The following MTMR6 variants were observed in gnomAD, a reference collection of about 807,000 sequenced individuals.
MTMR6 encodes the protein myotubularin related protein 6.
A neutral mutation model predicts 80.1 loss-of-function variants in MTMR6; 47 were observed. The ratio of observed to expected loss-of-function variants is 0.59; its 90% confidence interval spans 0.46 to 0.75. MTMR6 has a LOEUF of 0.75. Among genes scored for constraint, MTMR6 ranks in the 30% least tolerant of loss-of-function variants. The pLI, the probability that MTMR6 is intolerant of heterozygous loss-of-function variation, is 0.00. For missense variants in MTMR6, 629 were observed against 730.9 expected (o/e 0.86, Z 1.61); for synonymous variants, 254 against 253.0 (o/e 1.00, Z -0.04).
chr13:25,261,305 A>T (rs1464196340), intron 6 of MTMR6, among the ~76,000 whole-genome samples: 1 of 88,028 alleles, frequency 1.1e-5, no homozygotes. Context: ...CTCTGTCTTA[A>T]AAAAAAAAAA....
chr13:25,264,990 C>T (rs1322236266), intron 5 of MTMR6, among the ~76,000 whole-genome samples: 5 of 152,078 alleles, frequency 3.3e-5, no homozygotes, highest in Non-Finnish European at 2.9e-5. Context: ...GGAAGACATA[C>T]ATGTAAACCA....
intron 1 of MTMR6, among the ~76,000 whole-genome samples, chr13:25,286,652 T>C (rs1475565217): frequency 1.3e-5 from 2 of 152,170 alleles, no homozygotes; most frequent in Non-Finnish European, 2.9e-5. Flanking sequence ...TCCAGAACTC[T>C]TGACTACTGA....
In MTMR6 at chr13:25,257,242, C is replaced by G; in HGVS notation, c.1049G>C (p.Gly350Ala). Residue 350 changes from glycine to alanine, a missense_variant, in exon 9 of 14, where the codon GGT becomes GCT. By Grantham distance (60) the Gly-to-Ala change is moderately conservative (BLOSUM62 0). Transcript: ENST00000381801. ...WDRTSQVCSL[G>A]SLLLDSYYRT... ...GTAGTAGGAATCCAATAAAAGAGAA[C>G]CCAGGGAACAAACCTGGGAAGTCCT... is the stretch of plus-strand genomic sequence containing the variant. The G allele has an allele frequency of 6.2e-7, 1 of 1,613,922 alleles. No individual in the cohort carries two copies. Among genetic ancestry groups the G allele is most frequent in the East Asian group, 2.2e-5 (1 of 44,864 alleles).
At chr13:25,270,933 CTA>C (rs2137587451) in intron 2 of MTMR6, among the ~76,000 whole-genome samples, 1 of 152,258 alleles carries the variant, frequency 6.6e-6, no homozygotes, top group Admixed American at 6.5e-5. Flanking sequence ...GTATGAGCAG[CTA>C]TGATTTACGC....
intron 3 of MTMR6, among the ~76,000 whole-genome samples, chr13:25,267,065 T>C (rs1366668581): frequency 6.6e-6 from 1 of 151,980 alleles, no homozygotes; most frequent in Non-Finnish European, 1.5e-5. Context: ...CTGGCCAAGA[T>C]GGTGAAACCC....
chr13:25,287,266 G>C lies in MTMR6; in HGVS notation c.-19C>G, dbSNP rs771189132. On this transcript the variant is annotated 5_prime_UTR_variant, in exon 1 of 14. Transcript: ENST00000381801. ...GCTCCATCGCAAGGAGACGTCAGCC[G>C]GCAGCCGGTCTCACAGGCGTACCAT... The C allele has an allele frequency of 1.3e-6, 2 of 1,589,362 alleles. No homozygotes were observed. Among genetic ancestry groups the C allele is most frequent in the African/African-American group, 1.3e-5 (1 of 74,320 alleles).
In MTMR6 at chr13:25,249,421, A is replaced by C. The variant is rs113974404; in HGVS notation, c.1677T>G (p.Pro559=). The change falls in exon 14 of 14, where the codon CCT becomes CCG. Residue 559 remains proline, a synonymous_variant. Coordinates refer to ENST00000381801, the MANE Select transcript of MTMR6 (RefSeq NM_004685.5). Reference sequence around the variant, plus strand: ...GGGAAGTTTTGAGGTTAGGTGATTCAGGATGAACTGAATGTAACAATTCCT... The same window carrying C: ...GGGAAGTTTTGAGGTTAGGTGATTCCGGATGAACTGAATGTAACAATTCCT... ...LTKELLHSVH[P]ESPNLKTSLC... The C allele has an allele frequency of 6.8e-6, 11 of 1,614,098 alleles. No individual in the cohort carries two copies. Among genetic ancestry groups the C allele is most frequent in the African/African-American group, 1.3e-5 (1 of 75,058 alleles).
At chr13:25,275,849 G>A (rs373921081) in intron 1 of MTMR6, among the ~76,000 whole-genome samples, 1,554 of 118,936 alleles carry the variant, frequency 0.013, 36 homozygotes, top group African/African-American at 0.048. Flanking sequence ...CAACAAGAGC[G>A]AAACTCCGTC....
chr13:25,268,190 G>A (rs1283815616), intron 2 of MTMR6, among the ~76,000 whole-genome samples: 3 of 152,088 alleles, frequency 2.0e-5, no homozygotes, highest in African/African-American at 2.4e-5. Flanking sequence ...ACATGTTTCT[G>A]TAACCCATCT....
At position 25,259,090 on chromosome 13, in the gene MTMR6, C is replaced by G. The variant is rs564333507; in HGVS notation, c.727-398G>C. Among the ~76,000 whole-genome samples, 67 of 152,258 alleles carry G rather than the reference C, an allele frequency of 4.4e-4. 1 individual carries two copies. In the South Asian group the frequency reaches 0.014, roughly 31 times the overall value. ...TTTACAGAATGAACCTATGAGTTTA[C>G]TTCAGAACAAGCCTAGGGCATTGAT... is the stretch of plus-strand genomic sequence containing the variant. On this transcript the variant is annotated intron_variant, in intron 6 of 13. Coordinates refer to ENST00000381801, the MANE Select transcript of MTMR6 (RefSeq NM_004685.5).
chr13:25,282,468 G>A (rs1957872284), intron 1 of MTMR6, among the ~76,000 whole-genome samples: 1 of 152,134 alleles, frequency 6.6e-6, no homozygotes, highest in Admixed American at 6.6e-5. Context: ...CCAAGGAGGA[G>A]GAAGCAGCCA....
Position 25,258,641 on chromosome 13 carries a change from T to C in MTMR6, c.778A>G (p.Asn260Asp), listed in dbSNP as rs745400437. ...AACTGAAATCTAATATTGGAATAGT[T>C]GTCTTCATTTTCATAACCTTTTCCA... ...AAGKGYENED[N>D]YSNIRFQFVG... The change falls in exon 7 of 14, where the codon AAC becomes GAC. Residue 260 changes from asparagine (N) to aspartate (D), a missense_variant. Transcript: ENST00000381801. 26 of 1,597,634 alleles carry C rather than the reference T, an allele frequency of 1.6e-5. No individual in the cohort carries two copies. Among genetic ancestry groups the C allele is most frequent in the Non-Finnish European group, 2.0e-5 (24 of 1,175,540 alleles).
rs1456705003 is a variant in MTMR6, at chr13:25,261,787, A to G, written c.607T>C (p.Cys203Arg). The change falls in exon 6 of 14, where the codon TGT becomes CGT. Residue 203 changes from cysteine (C) to arginine (R), a missense_variant. Coordinates refer to ENST00000381801, the MANE Select transcript of MTMR6 (RefSeq NM_004685.5). ...CTGAATCCAGAGAGTGGCTGACTAC[A>G]TCGACAAATGGCAGCCTATTTTTTA... ...HQDKEAAICR[C>R]SQPLSGFSAR... 3 of 1,612,146 alleles carry G rather than the reference A, an allele frequency of 1.9e-6. No individual in the cohort carries two copies. The highest frequency in any genetic ancestry group is 2.5e-6 in the Non-Finnish European group (3 of 1,178,934).
chr13:25,257,446 C>A (rs1957237151), intron 8 of MTMR6, 125 bp from the exon 9 acceptor site: 1 of 1,112,616 alleles, frequency 9.0e-7, no homozygotes, highest in Non-Finnish European at 1.2e-6. Flanking sequence ...AATGTCACAG[C>A]ATAATTTCCA....
intron 5 of MTMR6, among the ~76,000 whole-genome samples, chr13:25,264,846 G>T (rs925296634): frequency 6.6e-6 from 1 of 151,468 alleles, no homozygotes; most frequent in Non-Finnish European, 1.5e-5. Context: ...GGTCCCAAAG[G>T]ACTGGGAGTC....
rs1957650849 is a variant in MTMR6, at chr13:25,274,174, T to A, written c.38A>T (p.Lys13Ile). Residue 13 changes from lysine (K) to isoleucine (I), a missense_variant, in exon 2 of 14, where the codon AAA becomes ATA. Physicochemically the swap from Lys to Ile is moderately radical, Grantham distance 102 (BLOSUM62 -3). Transcript: ENST00000381801. ...GCTGGTACTGAATCGGTCAAGTAAT[T>A]TTACTTGTTCGACCTAAAAGAAAAA... ...HIRTTKVEQV[K>I]LLDRFSTSNK... The A allele has an allele frequency of 6.2e-7, 1 of 1,603,080 alleles. No homozygotes were observed. The highest frequency in any genetic ancestry group is 1.3e-5 in the African/African-American group (1 of 74,522).
chr13:25,263,779 G>C (rs1321751827), intron 5 of MTMR6, among the ~76,000 whole-genome samples: 1 of 152,164 alleles, frequency 6.6e-6, no homozygotes, highest in Non-Finnish European at 1.5e-5. Context: ...CCAGCTACTT[G>C]GGAGTCTGAG....
chr13:25,269,604 T>C (rs1445014767), intron 2 of MTMR6, among the ~76,000 whole-genome samples: 1 of 152,106 alleles, frequency 6.6e-6, no homozygotes, highest in Non-Finnish European at 1.5e-5. Context: ...AGTTTAAAAA[T>C]TCCAATCTGC....
At chr13:25,264,263 C>CAA (rs34636887) in intron 5 of MTMR6, among the ~76,000 whole-genome samples, 2 of 147,330 alleles carry the variant, frequency 1.4e-5, no homozygotes, top group African/African-American at 2.5e-5. Flanking sequence ...CCAGAAAATC[C>CAA]AAAAAAAAAA....
Sources: allele counts gnomAD v4.1 joint callset (sites outside exome capture counted in the v4.1 genomes callset), GRCh38; gene constraint gnomAD v4.1.1; transcripts MANE v1.5; gene names NCBI Gene and HGNC (gene_info 2026-07-23, HGNC 2026-07-21).